The following CCND1 variants were observed in gnomAD, a reference collection of about 807,000 sequenced individuals.
CCND1 encodes the protein cyclin D1, also known as G1/S-specific cyclin-D1.
CCND1 carries 9 observed loss-of-function variants against 26.1 expected under a neutral mutation model. The ratio of observed to expected loss-of-function variants is 0.35; its 90% confidence interval spans 0.21 to 0.60. The LOEUF (loss-of-function observed/expected upper bound fraction) is 0.60. Ranked by LOEUF, CCND1 falls within the 20% of genes least tolerant of loss-of-function variation. CCND1 has a pLI of 0.79. For missense variants in CCND1, 335 were observed against 392.9 expected, an observed-to-expected ratio of 0.85 and a Z score of 1.25; for synonymous variants, 194 against 166.1, an observed-to-expected ratio of 1.17 and a Z score of -1.29.
chr11:69,647,386 C>A (rs932658362), intron 3 of CCND1, among the ~76,000 whole-genome samples: 3 of 152,142 alleles, frequency 2.0e-5, no homozygotes, highest in African/African-American at 7.2e-5. Flanking sequence ...GGGCCTGAGC[C>A]GCAGCCACAC....
rs1006117863 is a variant in CCND1 at position 69,653,988 on chromosome 11, A to AG, written c.*2707dup. On this transcript the variant is annotated 3_prime_UTR_variant, in exon 5 of 5. Coordinates refer to ENST00000227507, the MANE Select transcript of CCND1 (RefSeq NM_053056.3). ...CCAAATCTCAATGAAGCCAGCTCAC[A>AG]GTGCTGTGTGCCCCGGTCACCTAGC... is the stretch of plus-strand genomic sequence containing the variant. 1.7e-6 allele frequency: 1 copy of AG among 591,444 alleles called. No homozygotes were observed. Among genetic ancestry groups the AG allele is most frequent in the Non-Finnish European group, 3.0e-6 (1 of 332,230 alleles). The allele number at this position is 591,444 out of a possible 1,614,324, so 36.6% of individuals were successfully genotyped here. A position where few individuals can be genotyped will look rare whatever the true frequency, so the allele number is the denominator to read the frequency against.
At chr11:69,641,869 C>T (rs531174241) in intron 1 of CCND1, among the ~76,000 whole-genome samples, 20 of 151,500 alleles carry the variant, frequency 1.3e-4, no homozygotes, top group African/African-American at 4.6e-4. Flanking sequence ...CCTCAGCGGC[C>T]GGGAGCCGCC....
In CCND1 at chr11:69,643,243, G is replaced by A; in HGVS notation, c.411G>A (p.Leu137=). 6.3e-7 allele frequency: 1 copy of A among 1,575,146 alleles called. No homozygotes were observed. The highest frequency in any genetic ancestry group is 8.6e-7 in the Non-Finnish European group (1 of 1,161,684). The change falls in exon 2 of 5, where the codon CTG becomes CTA. Residue 137 remains leucine, a synonymous_variant. Coordinates refer to ENST00000227507, the MANE Select transcript of CCND1 (RefSeq NM_053056.3). The part of the protein sequence containing the change: ...YTDNSIRPEE[L]LQMELLLVNK... ...ACAACTCCATCCGGCCCGAGGAGCT[G>A]CTGGTAACCACTGGACCCCGCCGCC...
intron 1 of CCND1, among the ~76,000 whole-genome samples, chr11:69,641,953 G>T (rs1280228493): frequency 6.6e-6 from 1 of 150,754 alleles, no homozygotes; most frequent in Non-Finnish European, 1.5e-5. Flanking sequence ...GGCCGCTCGT[G>T]CCAGTATTAT....
intron 4 of CCND1, among the ~76,000 whole-genome samples, chr11:69,650,647 G>A (rs1855842415): frequency 6.6e-6 from 1 of 152,208 alleles, no homozygotes; most frequent in South Asian, 2.1e-4. Flanking sequence ...ACGGCCCAAG[G>A]CTTCGACAGC....
rs925185471 is a variant in CCND1, at chr11:69,641,415, G to C, written c.102G>C (p.Ala34=). The C allele has an allele frequency of 1.0e-4, 161 of 1,613,348 alleles. No homozygotes were observed. The highest frequency in any genetic ancestry group is 1.6e-4 in the Middle Eastern group (1 of 6,084). ...GGGTGCTGCGGGCCATGCTGAAGGC[G>C]GAGGAGACCTGCGCGCCCTCGGTGT... The part of the protein sequence containing the change: ...NDRVLRAMLK[A]EETCAPSVSY... Residue 34 remains alanine, a synonymous_variant, in exon 1 of 5, where the codon GCG becomes GCC. Coordinates refer to ENST00000227507, the MANE Select transcript of CCND1 (RefSeq NM_053056.3).
In CCND1 at chr11:69,653,568, G is replaced by A. The variant is rs1322356714; in HGVS notation, c.*2286G>A. 1.9e-6 allele frequency: 1 copy of A among 537,528 alleles called. No individual in the cohort carries two copies. The highest frequency in any genetic ancestry group is 3.2e-5 in the East Asian group (1 of 31,180). The allele number at this position is 537,528 out of a possible 1,614,324, so 33.3% of individuals were successfully genotyped here. On this transcript the variant is annotated 3_prime_UTR_variant, in exon 5 of 5. Coordinates refer to ENST00000227507, the MANE Select transcript of CCND1 (RefSeq NM_053056.3). Reference sequence around the variant, plus strand: ...CCTGCTTTGGCGGGCAGACACGCGGGCGCGATCCCACACAGGCTGGCGGGG... The same window carrying A: ...CCTGCTTTGGCGGGCAGACACGCGGACGCGATCCCACACAGGCTGGCGGGG...
Position 69,653,982 on chromosome 11 carries a change from G to C in CCND1, c.*2700G>C. 1.7e-6 allele frequency: 1 copy of C among 586,530 alleles called. No individual in the cohort carries two copies. The highest frequency in any genetic ancestry group is 3.0e-6 in the Non-Finnish European group (1 of 329,790). The allele number at this position is 586,530 out of a possible 1,614,324, so 36.3% of individuals were successfully genotyped here. On this transcript the variant is annotated 3_prime_UTR_variant, in exon 5 of 5. Transcript: ENST00000227507. ...GAGACTCCAAATCTCAATGAAGCCA[G>C]CTCACAGTGCTGTGTGCCCCGGTCA... is the stretch of plus-strand genomic sequence containing the variant.
In CCND1 at chr11:69,641,421, G is replaced by T. The variant is rs1482952019; in HGVS notation, c.108G>T (p.Glu36Asp). ...TGCGGGCCATGCTGAAGGCGGAGGAGACCTGCGCGCCCTCGGTGTCCTACT... is the reference window on the plus strand; with the variant it reads ...TGCGGGCCATGCTGAAGGCGGAGGATACCTGCGCGCCCTCGGTGTCCTACT... The part of the protein sequence containing the change: ...RVLRAMLKAE[E>D]TCAPSVSYFK... The change falls in exon 1 of 5, where the codon GAG (glutamate) becomes GAT (aspartate). Residue 36 changes from glutamate to aspartate, a missense_variant. Coordinates refer to ENST00000227507, the MANE Select transcript of CCND1 (RefSeq NM_053056.3). The T allele has an allele frequency of 6.2e-7, 1 of 1,613,506 alleles. No individual in the cohort carries two copies. The highest frequency in any genetic ancestry group is 8.5e-7 in the Non-Finnish European group (1 of 1,180,032).
rs10640302 is a variant in CCND1, at chr11:69,652,779, T to TACACACACAC, written c.*1513_*1522dup. 4 of 226,512 alleles carry TACACACACAC rather than the reference T, an allele frequency of 1.8e-5. No individual in the cohort carries two copies. The highest frequency in any genetic ancestry group is 6.7e-5 in the African/African-American group (3 of 44,538). 14.0% of individuals were successfully genotyped at this position (226,512 alleles called of 1,614,324 possible). On this transcript the variant is annotated 3_prime_UTR_variant, in exon 5 of 5. Transcript: ENST00000227507. ...TCTCCCCTTGATTTAAACACACAGATACACACACACACACACACACACACA... is the reference window on the plus strand; with the variant it reads ...TCTCCCCTTGATTTAAACACACAGATACACACACACACACACACACACACACACACACACA...
chr11:69,654,283 GGCAAGTGCA>G lies in CCND1; in HGVS notation c.*3002_*3010del, dbSNP rs1855899952. 1.4e-6 allele frequency: 1 copy of G among 702,514 alleles called. No homozygotes were observed. Among genetic ancestry groups the G allele is most frequent in the Non-Finnish European group, 2.6e-6 (1 of 385,018 alleles). The allele number at this position is 702,514 out of a possible 1,614,324, so 43.5% of individuals were successfully genotyped here. ...GTGTATCGAGAGGCCAAAGGCTGGTGGCAAGTGCACGGGGCACAGCGGAGTCTGTCCTGT... is the reference window on the plus strand; with the variant it reads ...GTGTATCGAGAGGCCAAAGGCTGGTGCGGGGCACAGCGGAGTCTGTCCTGT... On this transcript the variant is annotated 3_prime_UTR_variant, in exon 5 of 5. Coordinates refer to ENST00000227507, the MANE Select transcript of CCND1 (RefSeq NM_053056.3). The surrounding 1 kb of genome is among the most constrained non-coding windows in gnomAD (Gnocchi z 6.3).
At position 69,651,191 on chromosome 11, in the gene CCND1, T is replaced by A; in HGVS notation, c.797T>A (p.Met266Lys). ...AGCCTGCGCCAGGCCCAGCAGAACA[T>A]GGACCCCAAGGCCGCCGAGGAGGAG... The part of the protein sequence containing the change: ...ESSLRQAQQN[M>K]DPKAAEEEEE... The change falls in exon 5 of 5, where the codon ATG becomes AAG. Residue 266 changes from methionine to lysine, a missense_variant. Coordinates refer to ENST00000227507, the MANE Select transcript of CCND1 (RefSeq NM_053056.3). The A allele has an allele frequency of 6.2e-7, 1 of 1,610,372 alleles. No homozygotes were observed. The highest frequency in any genetic ancestry group is 8.5e-7 in the Non-Finnish European group (1 of 1,178,088).
At chr11:69,643,444 G>T (rs1277345983) in intron 2 of CCND1, 198 bp downstream of exon 2, 2 of 487,116 alleles carry the variant, frequency 4.1e-6, no homozygotes, top group Non-Finnish European at 7.0e-6. Context: ...CCCTGTGTGC[G>T]CTTGCCTGCG....
rs779213286 is a variant in CCND1 at position 69,643,018 on chromosome 11, C to T, written c.199-13C>T. 1.3e-6 allele frequency: 2 copies of T among 1,547,160 alleles called. No homozygotes were observed. Among genetic ancestry groups the T allele is most frequent in the Non-Finnish European group, 1.7e-6 (2 of 1,145,754 alleles). On this transcript the variant is annotated splice_polypyrimidine_tract_variant and intron_variant, in intron 1 of 4. Coordinates refer to ENST00000227507, the MANE Select transcript of CCND1 (RefSeq NM_053056.3). ...ACCTGGCGGCGGCGGTCACGGGCCC[C>T]GTGCCTCCGTAGGTCTGCGAGGAAC... is the stretch of plus-strand genomic sequence containing the variant.
intron 3 of CCND1, among the ~76,000 whole-genome samples, chr11:69,645,864 C>T (rs1362416601): frequency 1.3e-5 from 2 of 152,222 alleles, no homozygotes; most frequent in African/African-American, 2.4e-5. Flanking sequence ...ATGCTGCATA[C>T]ACTCACGCAT....
rs1220072056 is a variant in CCND1, at chr11:69,653,141, G to A, written c.*1859G>A. On this transcript the variant is annotated 3_prime_UTR_variant, in exon 5 of 5. Transcript: ENST00000227507. ...AGGTGGCAAGAGTGTGGAGGCTGACGTGTGAGGGAGGACAGGCGGGAGGAG... is the reference window on the plus strand; with the variant it reads ...AGGTGGCAAGAGTGTGGAGGCTGACATGTGAGGGAGGACAGGCGGGAGGAG... 5 of 591,438 alleles carry A rather than the reference G, an allele frequency of 8.5e-6. No homozygotes were observed. The highest frequency in any genetic ancestry group is 2.9e-5 in the East Asian group (1 of 34,192). 36.6% of individuals were successfully genotyped at this position (591,438 alleles called of 1,614,324 possible). A position where few individuals can be genotyped will look rare whatever the true frequency, so the allele number is the denominator to read the frequency against.
rs535056205 is a variant in CCND1, at chr11:69,641,268, G to T, written c.-46G>T. 3.8e-6 allele frequency: 6 copies of T among 1,575,880 alleles called. No homozygotes were observed. In the South Asian group the frequency reaches 6.6e-5, roughly 17 times the overall value. ...GAAGCGAGAGCCGAGCGCGGACCCA[G>T]CCAGGACCCACAGCCCTCCCCAGCT... On this transcript the variant is annotated 5_prime_UTR_variant, in exon 1 of 5. Coordinates refer to ENST00000227507, the MANE Select transcript of CCND1 (RefSeq NM_053056.3).
chr11:69,650,609 G>A (rs912318287), intron 4 of CCND1, among the ~76,000 whole-genome samples: 1 of 152,228 alleles, frequency 6.6e-6, no homozygotes, highest in East Asian at 1.9e-4. Flanking sequence ...GGTCCCCCTG[G>A]CCACCCAGCA....
chr11:69,650,013 C>T (rs1402655291), intron 4 of CCND1, among the ~76,000 whole-genome samples: 1 of 152,176 alleles, frequency 6.6e-6, no homozygotes, highest in African/African-American at 2.4e-5. Flanking sequence ...AAGGTACAGG[C>T]GCTAAAATGT....
Sources: gnomAD v4.1 joint callset for allele counts (sites outside exome capture counted in the v4.1 genomes callset) on GRCh38, gnomAD v4.1.1 for gene constraint, Gnocchi (gnomAD v3.1) non-coding constraint, MANE v1.5 for transcripts, NCBI Gene and HGNC (gene_info 2026-07-23, HGNC 2026-07-21) for gene names.